The following LTA4H variants were observed in gnomAD, a reference collection of about 807,000 sequenced individuals.
LTA4H encodes the protein leukotriene A4 hydrolase.
LTA4H carries 59 observed loss-of-function variants against 89.8 expected under a neutral mutation model. The ratio of observed to expected loss-of-function variants is 0.66; its 90% CI spans 0.53 to 0.82. LTA4H has a LOEUF of 0.82. LTA4H is among the 40% of genes least tolerant of loss of function. The probability of loss-of-function intolerance (pLI) is 0.00; values close to 1 mark genes in which losing one functional copy is unlikely to be tolerated. For synonymous variants in LTA4H, 227 were observed against 253.1 expected, an observed-to-expected ratio of 0.90 and a Z score of 0.98; for missense variants, 617 against 727.0, an observed-to-expected ratio of 0.85 and a Z score of 1.74.
At chr12:96,040,923 C>G (rs1950682359) in intron 1 of LTA4H, among the ~76,000 whole-genome samples, 1 of 152,170 alleles carries the variant, frequency 6.6e-6, no homozygotes, top group East Asian at 1.9e-4. Flanking sequence ...ATCTTTCTTC[C>G]TTCTTGCTTG....
At chr12:96,018,277 G>A (rs1950405250) in intron 8 of LTA4H, among the ~76,000 whole-genome samples, 1 of 152,156 alleles carries the variant, frequency 6.6e-6, no homozygotes. Flanking sequence ...GAGGCCTGGT[G>A]GGGTGGTTCA....
chr12:96,024,035 T>C (rs953450703), intron 4 of LTA4H, among the ~76,000 whole-genome samples: 1 of 152,010 alleles, frequency 6.6e-6, no homozygotes, highest in Non-Finnish European at 1.5e-5. Context: ...GTTCATGCCA[T>C]TCTCCTGCCT....
chr12:96,004,978 C>G (rs968694989), intron 16 of LTA4H, among the ~76,000 whole-genome samples: 2 of 152,158 alleles, frequency 1.3e-5, no homozygotes, highest in Non-Finnish European at 2.9e-5. Flanking sequence ...TTTGATGGGT[C>G]CTTTGTTGCG....
upstream of LTA4H, among the ~76,000 whole-genome samples, chr12:96,038,107 G>A (rs1184380688): frequency 1.3e-5 from 2 of 152,132 alleles, no homozygotes; most frequent in Non-Finnish European, 2.9e-5. Flanking sequence ...GATCGACTCA[G>A]AGGCAAAAAG....
intron 6 of LTA4H, among the ~76,000 whole-genome samples, chr12:96,019,585 A>ATTTTTTTTT (rs755971682): frequency 1.0e-5 from 1 of 99,390 alleles, no homozygotes; most frequent in Non-Finnish European, 1.9e-5. Context: ...ATAAGAAACT[A>ATTTTTTTTT]TTTTTTTTTT....
chr12:96,004,803 T>C (rs752018973), intron 16 of LTA4H, among the ~76,000 whole-genome samples: 11 of 152,152 alleles, frequency 7.2e-5, no homozygotes, highest in Non-Finnish European at 1.0e-4. Flanking sequence ...GTAGACCAAC[T>C]GGTTAAGGTC....
chr12:96,015,757 A>T, intron 10 of LTA4H, 63 bp from the exon 11 acceptor site: 3 of 1,125,260 alleles, frequency 2.7e-6, no homozygotes, highest in East Asian at 2.4e-5. Flanking sequence ...ATTTCAATCA[A>T]GATATTTTCT....
At chr12:96,021,503 T>A (rs1170492626) in intron 5 of LTA4H, among the ~76,000 whole-genome samples, 7 of 152,118 alleles carry the variant, frequency 4.6e-5, no homozygotes, top group Non-Finnish European at 8.8e-5. Flanking sequence ...TTTTAAAAGG[T>A]TTTGGTTTTC....
intron 14 of LTA4H, chr12:96,010,172 G>C (rs1470425534): frequency 6.6e-6 from 1 of 152,162 alleles, no homozygotes. Context: ...AAAACCTTTA[G>C]CTGGTCTGTT....
At chr12:96,010,384 G>A (rs140432053) in intron 14 of LTA4H, 1 of 152,294 alleles carries the variant, frequency 6.6e-6, no homozygotes, top group African/African-American at 2.4e-5. Flanking sequence ...AGTTAGAACT[G>A]TGCAACTGCT....
At chr12:96,005,941 T>G (rs184756069) in intron 16 of LTA4H, among the ~76,000 whole-genome samples, 59 of 152,118 alleles carry the variant, frequency 3.9e-4, no homozygotes, top group Non-Finnish European at 7.2e-4. Context: ...AGAGACGAGA[T>G]TTCATCATGT....
Position 96,001,030 on chromosome 12 carries a change from C to G in LTA4H, c.1795G>C (p.Val599Leu), listed in dbSNP as rs753936155. Residue 599 changes from valine (V) to leucine (L), a missense_variant, in exon 19 of 19, where the codon GTG becomes CTG. By Grantham distance (32) the Val-to-Leu change is conservative. Around this residue, in one of 3 missense-constraint regions of LTA4H, gnomAD observed 290 missense variants for 339.1 expected, o/e 0.86. Transcript: ENST00000228740. Reference protein sequence around the residue: ...YQEHKASMHPVTAMLVGKDLK... With the variant: ...YQEHKASMHPLTAMLVGKDLK... ...TCTTTCCCCACCAGCATTGCAGTCA[C>G]GGGATGCATGCTTGCTTTGTGCTCT... 2.5e-6 allele frequency: 4 copies of G among 1,614,042 alleles called. No homozygotes were observed. The highest frequency in any genetic ancestry group is 1.7e-4 in the Middle Eastern group (1 of 6,060).
intron 14 of LTA4H, chr12:96,009,392 G>A (rs1950259637): frequency 2.0e-6 from 1 of 491,106 alleles, no homozygotes; most frequent in Middle Eastern, 5.7e-4. Context: ...GAATGCCAAA[G>A]CACCTCAGCA....
upstream of LTA4H, among the ~76,000 whole-genome samples, chr12:96,039,835 C>A (rs1307947560): frequency 6.6e-6 from 1 of 152,244 alleles, no homozygotes; most frequent in Non-Finnish European, 1.5e-5. Flanking sequence ...TTGAAATAGT[C>A]GATGTAATTT....
upstream of LTA4H, among the ~76,000 whole-genome samples, chr12:96,039,956 T>C (rs1950676345): frequency 6.6e-6 from 1 of 152,208 alleles, no homozygotes; most frequent in Non-Finnish European, 1.5e-5. Flanking sequence ...GCTGTACTAA[T>C]GACCTAAGAC....
Position 96,027,446 on chromosome 12 carries a change from G to A in LTA4H, c.409C>T (p.Gln137Ter). The A allele has an allele frequency of 6.3e-7, 1 of 1,590,320 alleles. No individual in the cohort carries two copies. Among genetic ancestry groups the A allele is most frequent in the Non-Finnish European group, 8.5e-7 (1 of 1,171,810 alleles). ...AATCATTCTGGAATCCTTTTTACCT[G>A]GCACTGACTAAAGAGATATGGGTGT... ...KEHPYLFSQC[Q>*]AIHCRAILPC... The change falls in exon 3 of 19, where the codon CAG becomes TAG. Residue 137 changes from glutamine (Q) to a stop codon, truncating the protein, a stop_gained and splice_region_variant. Coordinates refer to ENST00000228740, the MANE Select transcript of LTA4H (RefSeq NM_000895.3). LOFTEE classifies it high-confidence loss of function.
intron 8 of LTA4H, 24 bp downstream of exon 8, chr12:96,018,739 A>C: frequency 6.6e-7 from 1 of 1,508,078 alleles, no homozygotes. Context: ...CGTCAATTTC[A>C]AATGAAGAAA....
In LTA4H at chr12:96,013,220, G is replaced by C. The variant is rs751588315; in HGVS notation, c.1347C>G (p.Leu449=). 1 of 1,613,774 alleles carries C rather than the reference G, an allele frequency of 6.2e-7. No individual in the cohort carries two copies. The highest frequency in any genetic ancestry group is 8.5e-7 in the Non-Finnish European group (1 of 1,179,768). Reference sequence around the variant, plus strand: ...TTATGGGAGGCAGTCCAGGAGAGTAGAGCCAGGCATTCCAATCAACTTGAT... The same window carrying C: ...TTATGGGAGGCAGTCCAGGAGAGTACAGCCAGGCATTCCAATCAACTTGAT... ...VLNQVDWNAW[L]YSPGLPPIKP... Residue 449 remains leucine (L), a synonymous_variant, in exon 14 of 19, where the codon CTC becomes CTG. Coordinates refer to ENST00000228740, the MANE Select transcript of LTA4H (RefSeq NM_000895.3).
At chr12:96,018,154 T>G (rs539392791) in intron 8 of LTA4H, among the ~76,000 whole-genome samples, 27 of 152,250 alleles carry the variant, frequency 1.8e-4, no homozygotes, top group Non-Finnish European at 3.1e-4. Flanking sequence ...GATACATAAT[T>G]TATCAATGAA....
Sources: allele counts gnomAD v4.1 joint callset (sites outside exome capture counted in the v4.1 genomes callset), GRCh38; gene constraint gnomAD v4.1.1; regional missense constraint gnomAD v4.1.1; transcripts MANE v1.5; gene names NCBI Gene and HGNC (gene_info 2026-07-23, HGNC 2026-07-21).